Variants in SRRM3 observed in about 807,000 individuals in gnomAD.
SRRM3 encodes the protein serine/arginine repetitive matrix 3, also known as serine/arginine repetitive matrix protein 3.
A neutral mutation model predicts 66.2 loss-of-function variants in SRRM3; 27 were observed. The ratio of observed to expected loss-of-function variants is 0.41; its 90% CI spans 0.30 to 0.56. The LOEUF (loss-of-function observed/expected upper bound fraction) is 0.56, where lower values mean the gene tolerates loss of function less well. Ranked by LOEUF, SRRM3 falls within the 20% of genes least tolerant of loss-of-function variation. SRRM3 has a pLI of 0.32. For synonymous variants in SRRM3, 391 were observed against 414.9 expected (o/e 0.94, Z 0.70); for missense variants, 918 against 991.9 (o/e 0.93, Z 1.00).
In SRRM3 at chr7:76,281,744, G is replaced by GC; in HGVS notation, c.1317dup (p.Gly440ArgfsTer9). The GC allele has an allele frequency of 7.5e-7, 1 of 1,333,464 alleles. No homozygotes were observed. Among genetic ancestry groups the GC allele is most frequent in the Non-Finnish European group, 9.6e-7 (1 of 1,039,992 alleles). 82.6% of individuals were successfully genotyped at this position (1,333,464 alleles called of 1,614,324 possible). A position where few individuals can be genotyped will look rare whatever the true frequency, so the allele number is the denominator to read the frequency against. Reference sequence around the variant, plus strand: ...CAGCGACTCCGGCAGCGGCCGCGGCGCCCCCGGCCCCGGGCCCGAGCCCGG... The same window carrying GC: ...CAGCGACTCCGGCAGCGGCCGCGGCGCCCCCCGGCCCCGGGCCCGAGCCCGG... On this transcript the variant is annotated frameshift_variant, in exon 12 of 15. Coordinates refer to ENST00000611745, the MANE Select transcript of SRRM3 (RefSeq NM_001110199.3). LOFTEE classifies it high-confidence loss of function.
intron 11 of SRRM3, chr7:76,270,042 T>A (rs1353472436): frequency 6.6e-6 from 1 of 152,102 alleles, no homozygotes; most frequent in Non-Finnish European, 1.5e-5. Flanking sequence ...CAGCAAATCC[T>A]CCTTTCAACT....
chr7:76,278,477 ACT>A (rs1477700159), intron 11 of SRRM3, among the ~76,000 whole-genome samples: 1 of 151,856 alleles, frequency 6.6e-6, no homozygotes, highest in African/African-American at 2.4e-5. Flanking sequence ...GCAGAGCGAG[ACT>A]CTGTCTCAAA....
intron 3 of SRRM3, 47 bp from the exon 4 acceptor site, chr7:76,259,859 A>T (rs782765407): frequency 1.3e-6 from 2 of 1,597,946 alleles, no homozygotes; most frequent in Non-Finnish European, 1.7e-6. Context: ...AAAGGGGTGA[A>T]GAAAAGTCGT....
chr7:76,255,502 C>T (rs771448138), intron 3 of SRRM3, among the ~76,000 whole-genome samples: 19 of 152,070 alleles, frequency 1.2e-4, no homozygotes, highest in Non-Finnish European at 2.4e-4. Flanking sequence ...AGTGCAGTGG[C>T]ATCATCATAG....
intron 1 of SRRM3, among the ~76,000 whole-genome samples, chr7:76,204,294 A>G (rs145045868): frequency 1.8e-3 from 275 of 152,178 alleles, no homozygotes; most frequent in African/African-American, 6.2e-3. Context: ...AGGGGCACCA[A>G]TGGGGAGGTT....
intron 6 of SRRM3, 30 bp downstream of exon 6, chr7:76,260,933 G>T: frequency 6.4e-7 from 1 of 1,554,164 alleles, no homozygotes; most frequent in Non-Finnish European, 8.7e-7. Context: ...GCTGGGGCCA[G>T]GGCGGGGGAT....
At chr7:76,250,454 G>A (rs1314890082) in intron 3 of SRRM3, among the ~76,000 whole-genome samples, 14 of 152,074 alleles carry the variant, frequency 9.2e-5, no homozygotes, top group African/African-American at 3.1e-4. Flanking sequence ...GGCTGGTCTC[G>A]AACTCGTGAC....
chr7:76,279,260 A>G (rs1802436734), intron 11 of SRRM3, among the ~76,000 whole-genome samples: 2 of 152,148 alleles, frequency 1.3e-5, no homozygotes, highest in East Asian at 3.9e-4. Flanking sequence ...TGCCTTCTCA[A>G]AAAGAAAGAA....
In SRRM3 at chr7:76,281,761, C is replaced by T; in HGVS notation, c.1329C>T (p.Pro443=). ...GSGRGAPGPG[P]EPGSERGHGG... The stretch of plus-strand genomic sequence containing the variant: ...GCCGCGGCGCCCCCGGCCCCGGGCC[C>T]GAGCCCGGCTCTGAGCGAGGCCACG... The change falls in exon 12 of 15, where the codon CCC becomes CCT. Residue 443 remains proline, a synonymous_variant. Transcript: ENST00000611745. The T allele has an allele frequency of 2.2e-6, 3 of 1,378,232 alleles. No homozygotes were observed. Among genetic ancestry groups the T allele is most frequent in the Non-Finnish European group, 2.8e-6 (3 of 1,064,832 alleles). 85.4% of individuals were successfully genotyped at this position (1,378,232 alleles called of 1,614,324 possible). A position where few individuals can be genotyped will look rare whatever the true frequency, so the allele number is the denominator to read the frequency against.
chr7:76,253,341 G>T (rs1360765447), intron 3 of SRRM3, among the ~76,000 whole-genome samples: 1 of 152,040 alleles, frequency 6.6e-6, no homozygotes, highest in Non-Finnish European at 1.5e-5. Flanking sequence ...ACAAAATTAG[G>T]CTGGGCACGG....
intron 1 of SRRM3, among the ~76,000 whole-genome samples, chr7:76,228,638 CAT>C (rs1295011378): frequency 6.6e-6 from 1 of 152,082 alleles, no homozygotes; most frequent in Non-Finnish European, 1.5e-5. Flanking sequence ...AAAGGAGAAT[CAT>C]GTGAACCTGA....
At chr7:76,205,292 C>T (rs1800268053) in intron 1 of SRRM3, among the ~76,000 whole-genome samples, 1 of 152,198 alleles carries the variant, frequency 6.6e-6, no homozygotes, top group Non-Finnish European at 1.5e-5. Flanking sequence ...TCACTGCAAC[C>T]TCTGCCTCCT....
intron 11 of SRRM3, among the ~76,000 whole-genome samples, chr7:76,270,957 A>C (rs782394591): frequency 6.6e-6 from 1 of 151,654 alleles, no homozygotes; most frequent in Non-Finnish European, 1.5e-5. Context: ...CCTGGATGAC[A>C]AGAGCGAGAC....
At chr7:76,257,895 G>A (rs1554607966) in intron 3 of SRRM3, among the ~76,000 whole-genome samples, 2 of 152,182 alleles carry the variant, frequency 1.3e-5, no homozygotes, top group African/African-American at 2.4e-5. Context: ...GAGGGACACG[G>A]CAGGCTCCAG....
intron 2 of SRRM3, among the ~76,000 whole-genome samples, chr7:76,241,505 CTTAT>C (rs1178940888): frequency 2.0e-5 from 3 of 152,000 alleles, no homozygotes; most frequent in African/African-American, 2.4e-5. Context: ...TATTTATTTA[CTTAT>C]TTATTTATTT....
At chr7:76,251,665 C>T (rs1409945792) in intron 3 of SRRM3, among the ~76,000 whole-genome samples, 2 of 152,168 alleles carry the variant, frequency 1.3e-5, no homozygotes, top group South Asian at 4.1e-4. Flanking sequence ...TGAGCCACCG[C>T]GCCCGGCCCC....
intron 3 of SRRM3, among the ~76,000 whole-genome samples, chr7:76,257,031 A>G (rs1801730422): frequency 6.6e-6 from 1 of 151,618 alleles, no homozygotes; most frequent in Admixed American, 6.6e-5. Context: ...CTTTACTGCA[A>G]CCTGTTTTAT....
At chr7:76,251,059 G>A (rs1275053612) in intron 3 of SRRM3, among the ~76,000 whole-genome samples, 3 of 152,208 alleles carry the variant, frequency 2.0e-5, no homozygotes, top group Non-Finnish European at 4.4e-5. Flanking sequence ...TGGGAAACAG[G>A]ACCATTTAAT....
chr7:76,266,499 TTTA>T (rs1802052665), intron 10 of SRRM3, among the ~76,000 whole-genome samples: 2 of 108,420 alleles, frequency 1.8e-5, no homozygotes, highest in African/African-American at 7.5e-5. Context: ...TATTTATATA[TTTA>T]ATATATAAAT....
Sources: allele counts gnomAD v4.1 joint callset (sites outside exome capture counted in the v4.1 genomes callset), GRCh38; gene constraint gnomAD v4.1.1; transcripts MANE v1.5; gene names NCBI Gene and HGNC (gene_info 2026-07-23, HGNC 2026-07-21).